The following TUBB4A variants were observed in gnomAD, a reference collection of about 807,000 sequenced individuals.
The protein encoded by TUBB4A is tubulin beta-4A chain.
Under a neutral mutation model 35.1 loss-of-function variants are expected in TUBB4A, and 13 were observed. That is an observed-to-expected ratio of 0.37 (90% CI 0.24 to 0.59). The LOEUF (loss-of-function observed/expected upper bound fraction) is 0.59. Among genes scored for constraint, TUBB4A ranks in the 20% least tolerant of loss-of-function variants. The pLI, the probability that TUBB4A is intolerant of heterozygous loss-of-function variation, is 0.71. For synonymous variants in TUBB4A, 279 were observed against 272.4 expected, an observed-to-expected ratio of 1.02 and a Z score of -0.24; for missense variants, 299 against 647.2, an observed-to-expected ratio of 0.46 and a Z score of 5.84.
Position 6,501,781 on chromosome 19 carries a change from CAAG to C in TUBB4A, c.58-161_58-159del, listed in dbSNP as rs1914545215. 5 of 639,454 alleles carry C rather than the reference CAAG, an allele frequency of 7.8e-6. No individual in the cohort carries two copies. The highest frequency in any genetic ancestry group is 5.5e-5 in the African/African-American group (3 of 54,556). The allele number at this position is 639,454 out of a possible 1,614,324, so 39.6% of individuals were successfully genotyped here. On this transcript the variant is annotated intron_variant, in intron 1 of 3. Coordinates refer to ENST00000264071, the MANE Select transcript of TUBB4A (RefSeq NM_006087.4). The surrounding 1 kb of genome is among the most constrained non-coding windows in gnomAD (Gnocchi z 4.2). ...TGGTGTCGGGGCGAGGATGAGGCAG[CAAG>C]AAGGAGCGGTGGGGGCGGGGTGCAG... is the stretch of plus-strand genomic sequence containing the variant.
chr19:6,496,519 T>C (rs1024749313), intron 3 of TUBB4A: 14 of 265,364 alleles, frequency 5.3e-5, no homozygotes, highest in African/African-American at 3.1e-4. Context: ...TAGTCCTAGC[T>C]ACTCGGGAGG....
At chr19:6,500,155 G>T (rs975720621) in intron 3 of TUBB4A, among the ~76,000 whole-genome samples, 1 of 151,968 alleles carries the variant, frequency 6.6e-6, no homozygotes, top group African/African-American at 2.4e-5. Context: ...TAGAGATGGG[G>T]TCTCACACCA....
Position 6,494,970 on chromosome 19 carries a change from T to G in TUBB4A, c.*194A>C. ...TGGAAGAGCTCAAGGGGGTTAAAGA[T>G]AAATTAGGGCTCAAAGGGGAGCCAG... On this transcript the variant is annotated 3_prime_UTR_variant, in exon 4 of 4. Coordinates refer to ENST00000264071, the MANE Select transcript of TUBB4A (RefSeq NM_006087.4). 2 of 666,226 alleles carry G rather than the reference T, an allele frequency of 3.0e-6. No individual in the cohort carries two copies. The highest frequency in any genetic ancestry group is 2.5e-6 in the Non-Finnish European group (1 of 397,178). The allele number at this position is 666,226 out of a possible 1,614,324, so 41.3% of individuals were successfully genotyped here. A position where few individuals can be genotyped will look rare whatever the true frequency, so the allele number is the denominator to read the frequency against.
chr19:6,502,083 G>A (rs1462125577), intron 1 of TUBB4A, 73 bp downstream of exon 1: 14 of 1,455,318 alleles, frequency 9.6e-6, no homozygotes, highest in South Asian at 9.0e-5. Flanking sequence ...CAGGTTGCGG[G>A]GTGCTCCGGG....
chr19:6,495,815 C>T lies in TUBB4A; in HGVS notation c.684G>A (p.Leu228=). The T allele has an allele frequency of 6.2e-7, 1 of 1,614,218 alleles. No individual in the cohort carries two copies. Among genetic ancestry groups the T allele is most frequent in the Non-Finnish European group, 8.5e-7 (1 of 1,180,040 alleles). Residue 228 remains leucine (L), a synonymous_variant, in exon 4 of 4, where the codon CTG becomes CTA. Transcript: ENST00000264071. This position sits in a 1 kb window ranked among gnomAD's most constrained non-coding sequence, Gnocchi z 8.7. ...TTPTYGDLNH[L]VSATMSGVTT... ...TGACCCCGCTCATGGTGGCCGACAC[C>T]AGGTGGTTGAGGTCCCCGTAGGTGG... is the stretch of plus-strand genomic sequence containing the variant.
chr19:6,501,281 A>AT lies in TUBB4A; in HGVS notation c.277+5_277+6insA. On this transcript the variant is annotated splice_donor_region_variant and intron_variant, in intron 3 of 3. Coordinates refer to ENST00000264071, the MANE Select transcript of TUBB4A (RefSeq NM_006087.4). The surrounding 1 kb of genome is among the most constrained non-coding windows in gnomAD (Gnocchi z 4.2). ...CCAGCCTCTGGCTCCCTGCTGGGGGACTCACCAAACACGAAGTTGTCCGGC... is the reference window on the plus strand; with the variant it reads ...CCAGCCTCTGGCTCCCTGCTGGGGGATCTCACCAAACACGAAGTTGTCCGGC... 2 of 1,612,114 alleles carry AT rather than the reference A, an allele frequency of 1.2e-6. No homozygotes were observed. Among genetic ancestry groups the AT allele is most frequent in the Non-Finnish European group, 1.7e-6 (2 of 1,178,804 alleles).
At chr19:6,496,782 C>G (rs1179497066) in intron 3 of TUBB4A, among the ~76,000 whole-genome samples, 2 of 148,870 alleles carry the variant, frequency 1.3e-5, no homozygotes, top group Non-Finnish European at 3.0e-5. Flanking sequence ...GATTGAGCCA[C>G]TGCATTCCAG....
Position 6,495,097 on chromosome 19 carries a change from G to T in TUBB4A, c.*67C>A. ...GGAAAGCGGGGCTCTAGGGTTCAGAGATGGGGGGCCTAGCGGATCAAAGGT... is the reference window on the plus strand; with the variant it reads ...GGAAAGCGGGGCTCTAGGGTTCAGATATGGGGGGCCTAGCGGATCAAAGGT... On this transcript the variant is annotated 3_prime_UTR_variant, in exon 4 of 4. Coordinates refer to ENST00000264071, the MANE Select transcript of TUBB4A (RefSeq NM_006087.4). The surrounding 1 kb of genome is among the most constrained non-coding windows in gnomAD (Gnocchi z 8.7). The T allele has an allele frequency of 6.3e-7, 1 of 1,576,446 alleles. No homozygotes were observed. Among genetic ancestry groups the T allele is most frequent in the Non-Finnish European group, 8.7e-7 (1 of 1,156,058 alleles).
rs1914514312 is a variant in TUBB4A at position 6,501,226 on chromosome 19, C to T, written c.277+61G>A. ...TGGGCCCCGGTGGTGGCTGTTGACT[C>T]TGTGGTGTTAGCAGGAATAAGGAGG... On this transcript the variant is annotated intron_variant, in intron 3 of 3. Transcript: ENST00000264071. The surrounding 1 kb of genome is among the most constrained non-coding windows in gnomAD (Gnocchi z 4.2). The T allele has an allele frequency of 3.5e-6, 5 of 1,432,628 alleles. No homozygotes were observed. In the African/African-American group the frequency reaches 5.6e-5, roughly 16 times the overall value. 88.7% of individuals were successfully genotyped at this position (1,432,628 alleles called of 1,614,324 possible). A position where few individuals can be genotyped will look rare whatever the true frequency, so the allele number is the denominator to read the frequency against.
chr19:6,498,189 C>A (rs1209711151), intron 3 of TUBB4A, among the ~76,000 whole-genome samples: 2 of 138,766 alleles, frequency 1.4e-5, no homozygotes, highest in Admixed American at 1.5e-4. Context: ...CCAGCCTGGG[C>A]GACAGAGTGA....
intron 3 of TUBB4A, among the ~76,000 whole-genome samples, chr19:6,500,095 C>T (rs1345737447): frequency 6.6e-6 from 1 of 151,840 alleles, no homozygotes; most frequent in Non-Finnish European, 1.5e-5. Flanking sequence ...CCACCCTGAG[C>T]CTCACAATTC....
chr19:6,500,037 C>T (rs370477196), intron 3 of TUBB4A, among the ~76,000 whole-genome samples: 1 of 151,976 alleles, frequency 6.6e-6, no homozygotes, highest in Admixed American at 6.6e-5. Flanking sequence ...GTGATCCACC[C>T]GCCTCGGCCT....
At position 6,496,144 on chromosome 19, in the gene TUBB4A, C is replaced by T. The variant is rs1228894803; in HGVS notation, c.355G>A (p.Val119Ile). The change falls in exon 4 of 4, where the codon GTA becomes ATA. Residue 119 changes from valine to isoleucine, a missense_variant. This residue lies in a region of TUBB4A where 123 missense variants were observed against 226.0 expected (regional missense o/e 0.54). Transcript: ENST00000264071. ...CAGCTCTCGGCCTCCTTCCGGACTA[C>T]GTCCAGGACAGCGTCCACCAGCTCT... ...GAELVDAVLDVVRKEAESCDC... is the reference protein window; with the variant it reads ...GAELVDAVLDIVRKEAESCDC... 3 of 1,614,176 alleles carry T rather than the reference C, an allele frequency of 1.9e-6. No individual in the cohort carries two copies. The highest frequency in any genetic ancestry group is 2.2e-5 in the East Asian group (1 of 44,880).
chr19:6,495,137 G>A lies in TUBB4A; in HGVS notation c.*27C>T, dbSNP rs990365107. The A allele has an allele frequency of 1.2e-6, 2 of 1,611,022 alleles. No individual in the cohort carries two copies. The highest frequency in any genetic ancestry group is 1.7e-6 in the Non-Finnish European group (2 of 1,177,874). ...GGATCAAAGGTCAGAAGCCTCGAGG[G>A]GACAGGTGGGAAGCGATGGGAGCAG... On this transcript the variant is annotated 3_prime_UTR_variant, in exon 4 of 4. Coordinates refer to ENST00000264071, the MANE Select transcript of TUBB4A (RefSeq NM_006087.4). The surrounding 1 kb of genome is among the most constrained non-coding windows in gnomAD (Gnocchi z 8.7).
chr19:6,502,347 G>T, upstream of TUBB4A: 6 of 1,004,232 alleles, frequency 6.0e-6, no homozygotes, highest in Non-Finnish European at 8.2e-6. Flanking sequence ...ATGAGCGGGC[G>T]GGGCACGCGT....
chr19:6,502,343 G>A (rs1462847899), upstream of TUBB4A: 17 of 1,055,802 alleles, frequency 1.6e-5, no homozygotes, highest in Non-Finnish European at 2.0e-5. Context: ...CTATATGAGC[G>A]GGCGGGGCAC....
chr19:6,502,320 C>T (rs1212878859), upstream of TUBB4A: 7 of 1,259,808 alleles, frequency 5.6e-6, no homozygotes, highest in South Asian at 1.7e-5. Flanking sequence ...GGTCCCTGCG[C>T]CCCCGGGAGC....
Position 6,495,971 on chromosome 19 carries a change from T to G in TUBB4A, c.528A>C (p.Ser176=). ...TFSVVPSPKV[S]DTVVEPYNAT... ...CGTTGTAGGGCTCCACCACCGTGTC[T>G]GACACTTTGGGCGAGGGCACCACGC... The change falls in exon 4 of 4, where the codon TCA becomes TCC. Residue 176 remains serine, a synonymous_variant. Coordinates refer to ENST00000264071, the MANE Select transcript of TUBB4A (RefSeq NM_006087.4). The surrounding 1 kb of genome is among the most constrained non-coding windows in gnomAD (Gnocchi z 8.7). The G allele has an allele frequency of 6.2e-7, 1 of 1,614,222 alleles. No individual in the cohort carries two copies. The highest frequency in any genetic ancestry group is 8.5e-7 in the Non-Finnish European group (1 of 1,180,038).
Position 6,501,501 on chromosome 19 carries a change from C to T in TUBB4A, c.166+14G>A. On this transcript the variant is annotated intron_variant, in intron 2 of 3. Transcript: ENST00000264071. This position sits in a 1 kb window ranked among gnomAD's most constrained non-coding sequence, Gnocchi z 4.2. ...CTGCCCCTTCCCACCTGGAAGGTGC[C>T]TCCTTCGCCCTACCTGTGGCCTCGT... 1.9e-6 allele frequency: 3 copies of T among 1,611,906 alleles called. No homozygotes were observed. The highest frequency in any genetic ancestry group is 2.5e-6 in the Non-Finnish European group (3 of 1,178,566).
Sources: allele counts gnomAD v4.1 joint callset (sites outside exome capture counted in the v4.1 genomes callset), GRCh38; gene constraint gnomAD v4.1.1; regional missense constraint gnomAD v4.1.1; non-coding constraint Gnocchi (gnomAD v3.1); transcripts MANE v1.5; gene names NCBI Gene and HGNC (gene_info 2026-07-23, HGNC 2026-07-21).